FGF9: variants seen among roughly 807,000 people sequenced by gnomAD.
FGF9 encodes the protein fibroblast growth factor 9 (glia-activating factor).
In FGF9, 3 loss-of-function variants were observed where a neutral mutation model predicts 19.9. The observed-to-expected ratio is 0.15, with a 90% CI of 0.07 to 0.39. The LOEUF is 0.39. Ranked by LOEUF, FGF9 falls within the 10% of genes least tolerant of loss-of-function variation. The pLI, the probability that FGF9 is intolerant of heterozygous loss-of-function variation, is 1.00. For synonymous variants in FGF9, 107 were observed against 106.9 expected, an observed-to-expected ratio of 1.00 and a Z score of -0.01; for missense variants, 175 against 256.8, an observed-to-expected ratio of 0.68 and a Z score of 2.18.
Position 21,702,243 on chromosome 13 carries a change from A to G in FGF9, c.*808A>G, listed in dbSNP as rs1262322744. ...GGATATAAGAAATTCTAATGACCCTAATGTACTAAAGGCGACAATCTCTTT... is the reference window on the plus strand; with the variant it reads ...GGATATAAGAAATTCTAATGACCCTGATGTACTAAAGGCGACAATCTCTTT... On this transcript the variant is annotated 3_prime_UTR_variant, in exon 3 of 3. Coordinates refer to ENST00000382353, the MANE Select transcript of FGF9 (RefSeq NM_002010.3). The G allele has an allele frequency of 6.6e-6, 1 of 152,198 alleles. No homozygotes were observed. The highest frequency in any genetic ancestry group is 6.5e-5 in the Admixed American group (1 of 15,282). The allele number at this position is 152,198 out of a possible 1,614,324, so 9.4% of individuals were successfully genotyped here. A position where few individuals can be genotyped will look rare whatever the true frequency, so the allele number is the denominator to read the frequency against.
At chr13:21,690,016 C>G (rs1448981530) in intron 2 of FGF9, among the ~76,000 whole-genome samples, 1 of 152,194 alleles carries the variant, frequency 6.6e-6, no homozygotes, top group African/African-American at 2.4e-5. Context: ...GAGAACCCCT[C>G]AACCAGAGCC....
In FGF9 at chr13:21,701,622, C is replaced by T. The variant is rs1872545736; in HGVS notation, c.*187C>T. ...TTTTGTTCTGCACTTAAAGGCTTCTCCTCCTGGAGGGCTGCCTAGGGCCAC... is the reference window on the plus strand; with the variant it reads ...TTTTGTTCTGCACTTAAAGGCTTCTTCTCCTGGAGGGCTGCCTAGGGCCAC... On this transcript the variant is annotated 3_prime_UTR_variant, in exon 3 of 3. Transcript: ENST00000382353. The T allele has an allele frequency of 4.0e-6, 3 of 758,422 alleles. No homozygotes were observed. The highest frequency in any genetic ancestry group is 6.3e-6 in the Non-Finnish European group (3 of 473,116). 47.0% of individuals were successfully genotyped at this position (758,422 alleles called of 1,614,324 possible).
chr13:21,688,831 T>G (rs1458429194), intron 2 of FGF9, among the ~76,000 whole-genome samples: 1 of 151,940 alleles, frequency 6.6e-6, no homozygotes, highest in East Asian at 1.9e-4. Flanking sequence ...TGCTGGCCAT[T>G]AGTTAGTGGA....
intron 2 of FGF9, among the ~76,000 whole-genome samples, chr13:21,698,389 T>C (rs1199742533): frequency 1.3e-5 from 2 of 152,242 alleles, no homozygotes; most frequent in Non-Finnish European, 2.9e-5. Flanking sequence ...AACACTGTTG[T>C]TGACTGGGAG....
intron 2 of FGF9, among the ~76,000 whole-genome samples, chr13:21,693,623 A>T (rs1047602701): frequency 2.6e-5 from 4 of 151,982 alleles, no homozygotes; most frequent in African/African-American, 9.7e-5. Flanking sequence ...GCAGTTCATG[A>T]TGTAGGGTTT....
At chr13:21,690,727 G>T (rs1426229584) in intron 2 of FGF9, among the ~76,000 whole-genome samples, 1 of 152,224 alleles carries the variant, frequency 6.6e-6, no homozygotes, top group Non-Finnish European at 1.5e-5. Flanking sequence ...TCCCAGCTGA[G>T]GTTGAAGAAG....
intron 2 of FGF9, among the ~76,000 whole-genome samples, chr13:21,685,132 T>G (rs2138137216): frequency 6.6e-6 from 1 of 152,298 alleles, no homozygotes; most frequent in South Asian, 2.1e-4. Flanking sequence ...ACACTAACAT[T>G]TGGAGCCTCC....
Position 21,671,790 on chromosome 13 carries a change from T to TTG in FGF9, c.-122_-121insGT. 1.7e-6 allele frequency: 2 copies of TTG among 1,176,360 alleles called. No individual in the cohort carries two copies. The highest frequency in any genetic ancestry group is 3.8e-5 in the Admixed American group (2 of 52,250). The allele number at this position is 1,176,360 out of a possible 1,614,324, so 72.9% of individuals were successfully genotyped here. A position where few individuals can be genotyped will look rare whatever the true frequency, so the allele number is the denominator to read the frequency against. On this transcript the variant is annotated 5_prime_UTR_variant, in exon 1 of 3. Coordinates refer to ENST00000382353, the MANE Select transcript of FGF9 (RefSeq NM_002010.3). Reference sequence around the variant, plus strand: ...TTTAATGGATTGAAGAAAAGAACCTTTTTTTTCTCTCTCTCTCTGCAACTG... The same window carrying TTG: ...TTTAATGGATTGAAGAAAAGAACCTTTGTTTTTTCTCTCTCTCTCTGCAACTG...
intron 2 of FGF9, among the ~76,000 whole-genome samples, chr13:21,699,335 G>T (rs1424939971): frequency 6.6e-6 from 1 of 152,152 alleles, no homozygotes; most frequent in Admixed American, 6.5e-5. Context: ...TTTTGTCTTT[G>T]CCTGATGCAT....
intron 2 of FGF9, among the ~76,000 whole-genome samples, chr13:21,690,306 G>T (rs1228217194): frequency 6.6e-6 from 1 of 151,996 alleles, no homozygotes; most frequent in African/African-American, 2.4e-5. Context: ...ACACTCATTT[G>T]CTCACACACA....
At chr13:21,681,886 C>G (rs1565949856) in intron 2 of FGF9, among the ~76,000 whole-genome samples, 2 of 152,290 alleles carry the variant, frequency 1.3e-5, no homozygotes, top group Middle Eastern at 6.8e-3. Context: ...TGGTACGCAG[C>G]AGGGACTTAA....
In FGF9 at chr13:21,671,187, C is replaced by T. The variant is rs531745333; in HGVS notation, c.-726C>T. Among the ~76,000 whole-genome samples, 51 of 152,356 alleles carry T rather than the reference C, an allele frequency of 3.3e-4. No individual in the cohort carries two copies. The East Asian group carries it at 8.9e-3, about 26-fold the overall frequency. On this transcript the variant is annotated 5_prime_UTR_variant, in exon 1 of 3. Coordinates refer to ENST00000382353, the MANE Select transcript of FGF9 (RefSeq NM_002010.3). ...GGCAGCCTGGGCGGCACGCGAGCTC[C>T]CGGACGCGGCTCTCCTCGCTCGCCG...
intron 2 of FGF9, among the ~76,000 whole-genome samples, chr13:21,683,589 G>T (rs532902042): frequency 6.6e-6 from 1 of 152,306 alleles, no homozygotes; most frequent in African/African-American, 2.4e-5. Context: ...CAGTCATGGA[G>T]TCCCAGTCAG....
Position 21,674,562 on chromosome 13 carries a change from G to A in FGF9, c.277+2373G>A, listed in dbSNP as rs930407261. Among the ~76,000 whole-genome samples, 8 of 152,022 alleles carry A rather than the reference G, an allele frequency of 5.3e-5. No homozygotes were observed. In the East Asian group the frequency reaches 9.8e-4, roughly 19 times the overall value. ...GCTGCAGGGGCGCCGCGGCGGGCCC[G>A]AGCCGGTTTTATTGTGTGGATCAGC... On this transcript the variant is annotated intron_variant, in intron 1 of 2. Transcript: ENST00000382353.
intron 2 of FGF9, among the ~76,000 whole-genome samples, chr13:21,686,596 C>T (rs1872163938): frequency 6.6e-6 from 1 of 152,172 alleles, no homozygotes; most frequent in African/African-American, 2.4e-5. Context: ...GTAGCACTTA[C>T]ATTATTTTGC....
At chr13:21,695,154 G>C (rs1872379149) in intron 2 of FGF9, among the ~76,000 whole-genome samples, 1 of 151,938 alleles carries the variant, frequency 6.6e-6, no homozygotes, top group Non-Finnish European at 1.5e-5. Flanking sequence ...ATATCATTGA[G>C]TTCCCAAATA....
At position 21,687,647 on chromosome 13, in the gene FGF9, C is replaced by T. The variant is rs574441107; in HGVS notation, c.381+6502C>T. 2.0e-5 allele frequency among the ~76,000 whole-genome samples: 3 copies of T among 152,306 alleles called. No individual in the cohort carries two copies. The South Asian group carries it at 6.2e-4, about 32-fold the overall frequency. On this transcript the variant is annotated intron_variant, in intron 2 of 2. Coordinates refer to ENST00000382353, the MANE Select transcript of FGF9 (RefSeq NM_002010.3). ...GAGCACCTCAGGATGACTTGTTCCC[C>T]TGCCCCACTTCTTCCTATGTGAGTT...
chr13:21,675,582 T>A (rs1230863126), intron 1 of FGF9, among the ~76,000 whole-genome samples: 1 of 152,066 alleles, frequency 6.6e-6, no homozygotes, highest in Non-Finnish European at 1.5e-5. Flanking sequence ...TCGGCCCTCC[T>A]CCTCCTCCGG....
At chr13:21,692,892 A>G (rs1403521815) in intron 2 of FGF9, among the ~76,000 whole-genome samples, 4 of 152,256 alleles carry the variant, frequency 2.6e-5, no homozygotes, top group African/African-American at 9.6e-5. Context: ...TTAATTTTAC[A>G]TACTTTATTC....
Sources: gnomAD v4.1 joint callset for allele counts (sites outside exome capture counted in the v4.1 genomes callset) on GRCh38, gnomAD v4.1.1 for gene constraint, MANE v1.5 for transcripts, NCBI Gene and HGNC (gene_info 2026-07-23, HGNC 2026-07-21) for gene names.